Variants in ATXN2 observed in about 807,000 individuals in gnomAD.
ATXN2 encodes ataxin-2.
ATXN2 carries 37 observed loss-of-function variants against 138.6 expected under a neutral mutation model. That is an observed-to-expected ratio of 0.27 (90% confidence interval 0.21 to 0.35). The LOEUF (loss-of-function observed/expected upper bound fraction) is 0.35, where lower values mean the gene tolerates loss of function less well. ATXN2 is among the 10% of genes least tolerant of loss of function. The pLI is 1.00. For missense variants in ATXN2, 1,216 were observed against 1,480.3 expected, an observed-to-expected ratio of 0.82 and a Z score of 2.93; for synonymous variants, 549 against 543.7, an observed-to-expected ratio of 1.01 and a Z score of -0.13.
chr12:111,592,409 A>T (rs377515019), intron 1 of ATXN2, among the ~76,000 whole-genome samples: 153 of 151,744 alleles, frequency 1.0e-3, no homozygotes, highest in African/African-American at 3.6e-3. Context: ...AAAAACCCTT[A>T]GATGGTAACA....
chr12:111,471,160 A>G (rs768463890), intron 18 of ATXN2: 8 of 187,686 alleles, frequency 4.3e-5, no homozygotes, highest in Non-Finnish European at 9.2e-5. Context: ...CAGATCCAAC[A>G]CTAACTTTCT....
At chr12:111,574,117 C>T (rs1688767391) in intron 1 of ATXN2, among the ~76,000 whole-genome samples, 1 of 151,310 alleles carries the variant, frequency 6.6e-6, no homozygotes, top group Non-Finnish European at 1.5e-5. Context: ...GGATCTGTGG[C>T]TAACACAGTG....
At chr12:111,583,907 T>TA (rs1434762954) in intron 1 of ATXN2, among the ~76,000 whole-genome samples, 4 of 151,652 alleles carry the variant, frequency 2.6e-5, no homozygotes, top group Admixed American at 6.6e-5. Context: ...ACAATTATAC[T>TA]AAAAAACTGG....
At chr12:111,564,228 A>G (rs556296471) in intron 1 of ATXN2, among the ~76,000 whole-genome samples, 8 of 152,170 alleles carry the variant, frequency 5.3e-5, no homozygotes, top group Non-Finnish European at 1.0e-4. Flanking sequence ...GTATCTTTCT[A>G]CCACTACCAA....
intron 5 of ATXN2, among the ~76,000 whole-genome samples, chr12:111,532,514 C>G (rs187368010): frequency 6.6e-6 from 1 of 151,974 alleles, no homozygotes; most frequent in Non-Finnish European, 1.5e-5. Context: ...ATTTGAGATA[C>G]CCATAACATC....
chr12:111,455,552 G>A, intron 23 of ATXN2: 1 of 271,230 alleles, frequency 3.7e-6, no homozygotes, highest in Non-Finnish European at 7.2e-6. Flanking sequence ...TGGATAACCA[G>A]GGAAAACAAT....
intron 1 of ATXN2, among the ~76,000 whole-genome samples, chr12:111,589,012 A>C (rs1464225488): frequency 7.3e-6 from 1 of 136,288 alleles, no homozygotes; most frequent in Admixed American, 7.1e-5. Flanking sequence ...AAAAAAAAAA[A>C]AAAAAAAAAA....
intron 18 of ATXN2, among the ~76,000 whole-genome samples, chr12:111,483,194 TACACACACACACACACACACACACAC>T (rs59840296): frequency 0.018 from 1,687 of 95,436 alleles, 26 homozygotes; most frequent in Middle Eastern, 0.029. Flanking sequence ...ATCAAACACA[TACACACACACACACACACACACACAC>T]ACACACACAC....
intron 8 of ATXN2, 77 bp from the exon 9 acceptor site, chr12:111,518,504 G>C: frequency 7.1e-7 from 1 of 1,404,990 alleles, no homozygotes. Context: ...AAGTCATCTA[G>C]ACAGAAGGGA....
chr12:111,590,026 A>G (rs1455860169), intron 1 of ATXN2, among the ~76,000 whole-genome samples: 4 of 150,414 alleles, frequency 2.7e-5, no homozygotes, highest in Admixed American at 6.7e-5. Context: ...CCTGGCCAAC[A>G]TGGTGAAACC....
In ATXN2 at chr12:111,598,797, G is replaced by A; in HGVS notation, c.238C>T (p.Pro80Ser). 10 of 1,391,824 alleles carry A rather than the reference G, an allele frequency of 7.2e-6. No homozygotes were observed. Among genetic ancestry groups the A allele is most frequent in the Non-Finnish European group, 9.3e-6 (10 of 1,080,494 alleles). The allele number at this position is 1,391,824 out of a possible 1,614,324, so 86.2% of individuals were successfully genotyped here. Residue 80 changes from proline (P) to serine (S), a missense_variant, in exon 1 of 25, where the codon CCC (proline) becomes TCC (serine). Around this residue, in one of 4 missense-constraint regions of ATXN2, gnomAD observed 401 missense variants for 528.1 expected, o/e 0.76. Transcript: ENST00000673436. The surrounding 1 kb of genome is among the most constrained non-coding windows in gnomAD (Gnocchi z 4.5). ...GCCGACACCCACCTGCCCAGGCCGG[G>A]CCTCCCGCCGCCGGAGGTCGCCGCG... ...VVAATSGGGR[P>S]GLGRGRNSNK...
intron 1 of ATXN2, among the ~76,000 whole-genome samples, chr12:111,586,387 G>A (rs1051052632): frequency 3.9e-5 from 5 of 128,512 alleles, no homozygotes; most frequent in South Asian, 2.4e-4. Context: ...CCCCAAGTCT[G>A]GTTTTTTTTT....
At chr12:111,549,256 G>A (rs1037538270) in intron 5 of ATXN2, among the ~76,000 whole-genome samples, 2 of 151,872 alleles carry the variant, frequency 1.3e-5, no homozygotes, top group Admixed American at 6.6e-5. Context: ...ATCTGAGTAA[G>A]TCTCTAATAA....
At position 111,490,633 on chromosome 12, in the gene ATXN2, G is replaced by C. The variant is rs192728112; in HGVS notation, c.1936-1853C>G. Among the ~76,000 whole-genome samples, 306 of 152,162 alleles carry C rather than the reference G, an allele frequency of 2.0e-3. No homozygotes were observed. In the Middle Eastern group the frequency reaches 0.041, roughly 20 times the overall value. On this transcript the variant is annotated intron_variant, in intron 14 of 24. Coordinates refer to ENST00000673436, the MANE Select transcript of ATXN2 (RefSeq NM_001372574.1). ...ATTGAACAACTATCCACACAAGAAA[G>C]CACCTTCATAAGAACCAAAAATTAG...
chr12:111,465,155 AT>A (rs1168955480), intron 20 of ATXN2, among the ~76,000 whole-genome samples: 1 of 152,232 alleles, frequency 6.6e-6, no homozygotes, highest in African/African-American at 2.4e-5. Flanking sequence ...TAGCAAGAAT[AT>A]AAACATGAAT....
rs553336363 is a variant in ATXN2, at chr12:111,579,699, C to CT, written c.251+19084dup. ...ACTAACATGCAATAGTACAGACGAC[C>CT]TTTTTTTTTTTTTTTTGAGATAAGA... On this transcript the variant is annotated intron_variant, in intron 1 of 24. Coordinates refer to ENST00000673436, the MANE Select transcript of ATXN2 (RefSeq NM_001372574.1). 7.5e-3 allele frequency among the ~76,000 whole-genome samples: 1,039 copies of CT among 138,836 alleles called. 7 individuals are homozygous for CT. Among genetic ancestry groups the CT allele is most frequent in the African/African-American group, 0.013 (480 of 37,962 alleles). 91.1% of individuals were successfully genotyped at this position (138,836 alleles called of 152,430 possible). A position where few individuals can be genotyped will look rare whatever the true frequency, so the allele number is the denominator to read the frequency against.
chr12:111,577,531 C>CTGGGATTACAGGCA, intron 1 of ATXN2, among the ~76,000 whole-genome samples: 1 of 152,220 alleles, frequency 6.6e-6, no homozygotes, highest in Non-Finnish European at 1.5e-5. Flanking sequence ...TCCCAAAGTG[C>CTGGGATTACAGGCA]TGGGATTACA....
chr12:111,546,744 G>A (rs1302619778), intron 5 of ATXN2, among the ~76,000 whole-genome samples: 1 of 152,136 alleles, frequency 6.6e-6, no homozygotes, highest in Non-Finnish European at 1.5e-5. Flanking sequence ...AAAGATACAC[G>A]AATACAGAGC....
chr12:111,541,640 T>C (rs1168920075), intron 5 of ATXN2, among the ~76,000 whole-genome samples: 1 of 148,896 alleles, frequency 6.7e-6, no homozygotes, highest in Non-Finnish European at 1.5e-5. Context: ...GCTGACAAGT[T>C]ATGTTTTAAT....
Sources: gnomAD v4.1 joint callset for allele counts (sites outside exome capture counted in the v4.1 genomes callset) on GRCh38, gnomAD v4.1.1 for gene constraint, gnomAD v4.1.1 regional missense constraint, Gnocchi (gnomAD v3.1) non-coding constraint, MANE v1.5 for transcripts, NCBI Gene and HGNC (gene_info 2026-07-23, HGNC 2026-07-21) for gene names.